RGS6: variants seen among roughly 807,000 people sequenced by gnomAD.
RGS6 encodes the protein regulator of G-protein signaling 6.
RGS6 carries 30 observed loss-of-function variants against 78.5 expected under a neutral mutation model. The observed-to-expected ratio is 0.38, with a 90% CI of 0.29 to 0.52. RGS6 has a LOEUF of 0.52. Ranked by LOEUF, RGS6 falls within the 20% of genes least tolerant of loss-of-function variation. The pLI is 0.85. For missense variants in RGS6, 495 were observed against 609.7 expected, an observed-to-expected ratio of 0.81 and a Z score of 1.98; for synonymous variants, 206 against 206.0, an observed-to-expected ratio of 1.00 and a Z score of 0.00.
At chr14:72,512,163 C>T (rs953488789) in intron 14 of RGS6, among the ~76,000 whole-genome samples, 1 of 152,150 alleles carries the variant, frequency 6.6e-6, no homozygotes, top group Non-Finnish European at 1.5e-5. Context: ...TAGAGGCCCC[C>T]TTTACCTAAC....
intron 3 of RGS6, among the ~76,000 whole-genome samples, chr14:72,410,438 G>A (rs932994064): frequency 1.3e-5 from 2 of 152,058 alleles, no homozygotes; most frequent in Non-Finnish European, 2.9e-5. Flanking sequence ...TTGTAAATTT[G>A]TTGGAGTTCA....
intron 2 of RGS6, among the ~76,000 whole-genome samples, chr14:72,335,018 G>T (rs895342951): frequency 6.8e-6 from 1 of 147,158 alleles, no homozygotes; most frequent in East Asian, 1.9e-4. Context: ...ATTGAATCAT[G>T]GGGGGGCAGG....
intron 4 of RGS6, among the ~76,000 whole-genome samples, chr14:72,455,441 G>T (rs1155166): frequency 0.73 from 111,027 of 152,096 alleles, 40,846 homozygotes; most frequent in East Asian, 0.98. Flanking sequence ...TCAGCTGTGA[G>T]TCCCTGCTGG....
intron 2 of RGS6, among the ~76,000 whole-genome samples, chr14:72,277,773 C>A (rs1339915823): frequency 1.3e-5 from 2 of 151,774 alleles, no homozygotes; most frequent in African/African-American, 2.4e-5. Flanking sequence ...ACCAAAAATA[C>A]AAAAATTAGC....
intron 17 of RGS6, among the ~76,000 whole-genome samples, chr14:72,557,812 C>T (rs2097604017): frequency 6.6e-6 from 1 of 152,150 alleles, no homozygotes; most frequent in Non-Finnish European, 1.5e-5. Flanking sequence ...AAATAGTGTT[C>T]CACATTAGTT....
At chr14:72,440,237 G>C (rs1003332684) in intron 3 of RGS6, among the ~76,000 whole-genome samples, 3 of 152,062 alleles carry the variant, frequency 2.0e-5, no homozygotes, top group Non-Finnish European at 4.4e-5. Flanking sequence ...AAATGTATTT[G>C]ACATCTTGAA....
At chr14:72,518,790 G>A (rs2096988345) in intron 15 of RGS6, among the ~76,000 whole-genome samples, 1 of 152,222 alleles carries the variant, frequency 6.6e-6, no homozygotes, top group Non-Finnish European at 1.5e-5. Context: ...AAGCCTCAAA[G>A]TGTTTTACAA....
chr14:72,022,699 C>T (rs1295408309), intron 2 of RGS6, among the ~76,000 whole-genome samples: 2 of 34,320 alleles, frequency 5.8e-5, no homozygotes, highest in Admixed American at 3.1e-4. Flanking sequence ...GACCCTGGTT[C>T]GCTCTTTCAC....
chr14:72,096,300 A>G (rs182784809), intron 2 of RGS6, among the ~76,000 whole-genome samples: 1 of 151,920 alleles, frequency 6.6e-6, no homozygotes. Context: ...AAAAGAAAAG[A>G]AAAACACACA....
chr14:72,053,408 G>A (rs1352452616), intron 2 of RGS6, among the ~76,000 whole-genome samples: 2 of 151,848 alleles, frequency 1.3e-5, no homozygotes, highest in Non-Finnish European at 2.9e-5. Context: ...ATGAGCCACC[G>A]CACCCAGCCA....
At chr14:72,506,109 C>G (rs2096795273) in intron 13 of RGS6, among the ~76,000 whole-genome samples, 1 of 152,342 alleles carries the variant, frequency 6.6e-6, no homozygotes, top group South Asian at 2.1e-4. Flanking sequence ...AAGGACACTT[C>G]ATCCACATCA....
chr14:72,036,182 A>C (rs2091669233), intron 2 of RGS6, among the ~76,000 whole-genome samples: 1 of 139,450 alleles, frequency 7.2e-6, no homozygotes. Context: ...AGACTCATCC[A>C]AGTTGTTGCA....
At chr14:71,937,414 G>A (rs1358007010) in intron 1 of RGS6, among the ~76,000 whole-genome samples, 1 of 152,144 alleles carries the variant, frequency 6.6e-6, no homozygotes, top group African/African-American at 2.4e-5. Context: ...TCCTGGACCT[G>A]TGAATCCTGG....
At chr14:72,257,087 A>C (rs2057238280) in intron 2 of RGS6, among the ~76,000 whole-genome samples, 1 of 152,214 alleles carries the variant, frequency 6.6e-6, no homozygotes, top group South Asian at 2.1e-4. Context: ...GTGAAAACCA[A>C]GATAAGGAGC....
intron 2 of RGS6, among the ~76,000 whole-genome samples, chr14:72,020,195 C>G (rs1032346337): frequency 2.6e-5 from 4 of 152,182 alleles, no homozygotes; most frequent in African/African-American, 9.7e-5. Context: ...GATGTTTGGT[C>G]TCCCAGCTAA....
upstream of RGS6, among the ~76,000 whole-genome samples, chr14:71,931,162 T>G (rs1248060199): frequency 6.6e-6 from 1 of 152,144 alleles, no homozygotes. Flanking sequence ...AGATTTTATA[T>G]TTCAGCTTTA....
At chr14:72,017,034 T>C (rs2087166483) in intron 2 of RGS6, among the ~76,000 whole-genome samples, 1 of 152,080 alleles carries the variant, frequency 6.6e-6, no homozygotes, top group African/African-American at 2.4e-5. Context: ...AGTATCTCAT[T>C]TCTTTCTTTC....
chr14:72,398,182 G>T (rs2091774205), intron 3 of RGS6, among the ~76,000 whole-genome samples: 1 of 152,068 alleles, frequency 6.6e-6, no homozygotes, highest in Admixed American at 6.5e-5. Context: ...ATCTGGTCCT[G>T]GACTTTTTTT....
intron 2 of RGS6, among the ~76,000 whole-genome samples, chr14:72,303,093 A>G (rs950196185): frequency 2.0e-5 from 3 of 152,210 alleles, no homozygotes; most frequent in African/African-American, 7.2e-5. Context: ...GCAGCATGAG[A>G]ACAGACTAAT....
Sources: allele counts gnomAD v4.1 joint callset (sites outside exome capture counted in the v4.1 genomes callset), GRCh38; gene constraint gnomAD v4.1.1; transcripts MANE v1.5; gene names NCBI Gene and HGNC (gene_info 2026-07-23, HGNC 2026-07-21).